Variants in SNX31 observed in about 807,000 individuals in gnomAD.
The protein encoded by SNX31 is sorting nexin-31.
In SNX31, 58 loss-of-function variants were observed where a neutral mutation model predicts 65.4. That is an observed-to-expected ratio of 0.89 (90% confidence interval 0.72 to 1.10). The LOEUF is 1.10. Ranked by LOEUF, SNX31 falls within the 50% of genes least tolerant of loss-of-function variation. SNX31 has a pLI of 0.00. For synonymous variants in SNX31, 181 were observed against 190.1 expected, an observed-to-expected ratio of 0.95 and a Z score of 0.39; for missense variants, 523 against 529.7, an observed-to-expected ratio of 0.99 and a Z score of 0.12.
chr8:100,652,139 C>T (rs547315520), upstream of SNX31, among the ~76,000 whole-genome samples: 3 of 152,190 alleles, frequency 2.0e-5, no homozygotes, highest in Non-Finnish European at 2.9e-5. Context: ...CCACAATGCC[C>T]GGCTAATTTT....
In SNX31 at chr8:100,578,167, C is replaced by T. The variant is rs1813202103; in HGVS notation, c.1171-1092G>A. ...TTGTAGTACACAGTCTCCCAGGGCA[C>T]AGAGCAGAGTGGGAGTGAATCTGGA... On this transcript the variant is annotated intron_variant, in intron 12 of 13. Coordinates refer to ENST00000311812, the MANE Select transcript of SNX31 (RefSeq NM_152628.4). This position sits in a 1 kb window ranked among gnomAD's most constrained non-coding sequence, Gnocchi z 4.7. Among the ~76,000 whole-genome samples the T allele has an allele frequency of 6.6e-6, 1 of 152,176 alleles. No individual in the cohort carries two copies. Among genetic ancestry groups the T allele is most frequent in the Admixed American group, 6.5e-5 (1 of 15,278 alleles).
chr8:100,608,958 T>C (rs1028591632), intron 7 of SNX31, among the ~76,000 whole-genome samples: 1 of 152,142 alleles, frequency 6.6e-6, no homozygotes, highest in African/African-American at 2.4e-5. Context: ...GCCACCCTCA[T>C]CTCTTGCCTG....
intron 10 of SNX31, among the ~76,000 whole-genome samples, chr8:100,590,666 C>T (rs1241712618): frequency 6.6e-6 from 1 of 152,068 alleles, no homozygotes; most frequent in Non-Finnish European, 1.5e-5. Context: ...CCTGTAATCC[C>T]AGCTACTCGG....
chr8:100,573,915 T>C lies in SNX31; in HGVS notation c.1273A>G (p.Ile425Val), dbSNP rs1740287017. ...SFLSRKSKIKIAKDDCVFGNI... is the reference protein window; with the variant it reads ...SFLSRKSKIKVAKDDCVFGNI... ...CCAAAAACGCAGTCATCTTTAGCTA[T>C]CTTAATCTTGCTTTTTCTTGATAGA... Residue 425 changes from isoleucine to valine, a missense_variant, in exon 14 of 14, where the codon ATA becomes GTA. Transcript: ENST00000311812. 2.5e-6 allele frequency: 4 copies of C among 1,592,576 alleles called. No individual in the cohort carries two copies. Among genetic ancestry groups the C allele is most frequent in the Middle Eastern group, 1.7e-4 (1 of 6,010 alleles).
In SNX31 at chr8:100,622,430, T is replaced by A. The variant is rs1817759917; in HGVS notation, c.322-4700A>T. Among the ~76,000 whole-genome samples, 1 of 152,116 alleles carries A rather than the reference T, an allele frequency of 6.6e-6. No individual in the cohort carries two copies. Among genetic ancestry groups the A allele is most frequent in the East Asian group, 1.9e-4 (1 of 5,188 alleles). On this transcript the variant is annotated intron_variant, in intron 4 of 13. Transcript: ENST00000311812. This position sits in a 1 kb window ranked among gnomAD's most constrained non-coding sequence, Gnocchi z 5.0. ...TTGGGACCCAGCTGAGGTAGGTGGG[T>A]CATTTGAGGTCAGGAGTTCGAGACC...
In SNX31 at chr8:100,577,437, C is replaced by A. The variant is rs191803011; in HGVS notation, c.1171-362G>T. Among the ~76,000 whole-genome samples the A allele has an allele frequency of 1.8e-3, 271 of 152,312 alleles. 1 individual carries two copies. The highest frequency in any genetic ancestry group is 3.4e-3 in the Middle Eastern group (1 of 294). On this transcript the variant is annotated intron_variant, in intron 12 of 13. Coordinates refer to ENST00000311812, the MANE Select transcript of SNX31 (RefSeq NM_152628.4). ...TATGCTGACTCAAAGCCCAGCGGGG[C>A]TTTGGTTAATCAAAAGCCACCATTA...
At chr8:100,590,943 G>T (rs774909634) in intron 10 of SNX31, among the ~76,000 whole-genome samples, 6 of 152,184 alleles carry the variant, frequency 3.9e-5, no homozygotes, top group Non-Finnish European at 5.9e-5. Flanking sequence ...GAGGTTTCCA[G>T]GATATAACAC....
chr8:100,583,479 A>C (rs916222192), intron 12 of SNX31, among the ~76,000 whole-genome samples: 2 of 152,212 alleles, frequency 1.3e-5, no homozygotes, highest in Non-Finnish European at 2.9e-5. Flanking sequence ...TATCATGATA[A>C]CGACTAGGCA....
chr8:100,635,536 C>T (rs1004273356), intron 3 of SNX31, among the ~76,000 whole-genome samples: 2 of 149,256 alleles, frequency 1.3e-5, no homozygotes, highest in Non-Finnish European at 3.0e-5. Flanking sequence ...CCACCATGCC[C>T]AGCCAGACTT....
chr8:100,652,262 G>GC (rs1307968077), upstream of SNX31, among the ~76,000 whole-genome samples: 1 of 152,190 alleles, frequency 6.6e-6, no homozygotes, highest in Non-Finnish European at 1.5e-5. Flanking sequence ...ACAGGTGTGA[G>GC]CCACCGCGCC....
chr8:100,628,238 G>A (rs1818176330), intron 4 of SNX31, among the ~76,000 whole-genome samples: 1 of 152,106 alleles, frequency 6.6e-6, no homozygotes, highest in Admixed American at 6.6e-5. Context: ...TCCCATTACT[G>A]GGTATATACC....
rs1819807728 is a variant in SNX31 at position 100,648,588 on chromosome 8, A to T, written c.141+686T>A. Among the ~76,000 whole-genome samples the T allele has an allele frequency of 6.6e-6, 1 of 152,160 alleles. No individual in the cohort carries two copies. Among genetic ancestry groups the T allele is most frequent in the Admixed American group, 6.5e-5 (1 of 15,278 alleles). ...AAAGTTTATTTCTAAACTTTCATTT[A>T]CTTCTCTAATCCATTTTGAAGACTT... is the stretch of plus-strand genomic sequence containing the variant. On this transcript the variant is annotated intron_variant, in intron 2 of 13. Coordinates refer to ENST00000311812, the MANE Select transcript of SNX31 (RefSeq NM_152628.4). The surrounding 1 kb of genome is among the most constrained non-coding windows in gnomAD (Gnocchi z 4.3).
intron 1 of SNX31, among the ~76,000 whole-genome samples, chr8:100,658,307 C>T (rs1390330704): frequency 6.6e-6 from 1 of 152,188 alleles, no homozygotes; most frequent in Non-Finnish European, 1.5e-5. Context: ...ACGTTAGAAT[C>T]TCATCCAAGC....
At chr8:100,581,311 T>TTATATATATA (rs1554570412) in intron 12 of SNX31, among the ~76,000 whole-genome samples, 43 of 122,670 alleles carry the variant, frequency 3.5e-4, no homozygotes, top group African/African-American at 1.8e-3. Context: ...AAAAAATTTT[T>TTATATATATA]TATATATCTA....
Position 100,630,506 on chromosome 8 carries a change from G to T in SNX31, c.257-115C>A. 1.2e-6 allele frequency: 1 copy of T among 815,816 alleles called. No homozygotes were observed. The highest frequency in any genetic ancestry group is 1.9e-6 in the Non-Finnish European group (1 of 526,098). The allele number at this position is 815,816 out of a possible 1,614,324, so 50.5% of individuals were successfully genotyped here. On this transcript the variant is annotated intron_variant, in intron 3 of 13. Transcript: ENST00000311812. This position sits in a 1 kb window ranked among gnomAD's most constrained non-coding sequence, Gnocchi z 5.3. ...CTTGCCAGTGCTCTGTCTCCTCCCT[G>T]AAGTGATAAATGTTGAAACCTCTCA...
chr8:100,640,406 G>T (rs146608032), intron 2 of SNX31, among the ~76,000 whole-genome samples: 13,209 of 152,234 alleles, frequency 0.087, 628 homozygotes, highest in Non-Finnish European at 0.095. Flanking sequence ...GATTACAGGC[G>T]TGAGCCACCA....
intron 2 of SNX31, among the ~76,000 whole-genome samples, chr8:100,647,792 G>A (rs1043243514): frequency 1.3e-5 from 2 of 152,148 alleles, no homozygotes; most frequent in Non-Finnish European, 2.9e-5. Flanking sequence ...GGAAAACAGA[G>A]GAGGGTAGGA....
At chr8:100,615,673 G>T (rs1817108668) in intron 5 of SNX31, among the ~76,000 whole-genome samples, 1 of 152,204 alleles carries the variant, frequency 6.6e-6, no homozygotes, top group East Asian at 1.9e-4. Context: ...GTTAGCCCAG[G>T]TTTATAGTAG....
chr8:100,596,766 G>C lies in SNX31; in HGVS notation c.851C>G (p.Ser284Ter). Reference sequence around the variant, plus strand: ...AACAGAAAGAACAGCTCCAGAGCCTGATTCTGGGTAGTCACAGGTACAAGG... The same window carrying C: ...AACAGAAAGAACAGCTCCAGAGCCTCATTCTGGGTAGTCACAGGTACAAGG... ...LDPCTCDYPE[S>*]GSGAVLSVGN... is the part of the protein sequence containing the mutation. The change falls in exon 10 of 14, where the codon TCA (serine) becomes TGA (stop). Residue 284 changes from serine (S) to a stop codon, truncating the protein, a stop_gained. Coordinates refer to ENST00000311812, the MANE Select transcript of SNX31 (RefSeq NM_152628.4). LOFTEE classifies it high-confidence loss of function. 6.2e-7 allele frequency: 1 copy of C among 1,614,176 alleles called. No individual in the cohort carries two copies. Among genetic ancestry groups the C allele is most frequent in the Admixed American group, 1.7e-5 (1 of 60,030 alleles).
Sources: gnomAD v4.1 joint callset for allele counts (sites outside exome capture counted in the v4.1 genomes callset) on GRCh38, gnomAD v4.1.1 for gene constraint, Gnocchi (gnomAD v3.1) non-coding constraint, MANE v1.5 for transcripts, NCBI Gene and HGNC (gene_info 2026-07-23, HGNC 2026-07-21) for gene names.